Variants in SLC9B1 observed in about 807,000 individuals in gnomAD.
The protein encoded by SLC9B1 is sodium/hydrogen exchanger 9B1.
SLC9B1 carries 32 observed loss-of-function variants against 51.7 expected under a neutral mutation model. The ratio of observed to expected loss-of-function variants is 0.62; its 90% CI spans 0.47 to 0.83. The LOEUF is 0.83. Ranked by LOEUF, SLC9B1 falls within the 40% of genes least tolerant of loss-of-function variation. SLC9B1 has a pLI of 0.00. For synonymous variants in SLC9B1, 145 were observed against 212.7 expected (o/e 0.68, Z 2.77); for missense variants, 406 against 613.2 (o/e 0.66, Z 3.57).
chr4:102,988,331 A>G (rs1356458417), intron 3 of SLC9B1, among the ~76,000 whole-genome samples: 8 of 152,144 alleles, frequency 5.3e-5, no homozygotes, highest in Non-Finnish European at 1.5e-5. Flanking sequence ...AAATGTGATG[A>G]GACTGATTTC....
At chr4:102,899,428 T>G (rs1469405732), downstream of SLC9B1, among the ~76,000 whole-genome samples, 1 of 150,852 alleles carries the variant, frequency 6.6e-6, no homozygotes, top group Non-Finnish European at 1.5e-5. Context: ...TATTATTATT[T>G]TTTGAGACAG....
chr4:102,976,677 T>C (rs1739086074), intron 3 of SLC9B1, among the ~76,000 whole-genome samples: 1 of 152,090 alleles, frequency 6.6e-6, no homozygotes, highest in African/African-American at 2.4e-5. Context: ...ACATGGTAAG[T>C]TAAGGGATAG....
At chr4:102,994,344 T>C (rs2110522181) in intron 1 of SLC9B1, among the ~76,000 whole-genome samples, 1 of 152,108 alleles carries the variant, frequency 6.6e-6, no homozygotes, top group South Asian at 2.1e-4. Context: ...ATAGCAAGAG[T>C]GACCTTTACT....
chr4:102,898,343 T>C, downstream of SLC9B1: 1 of 278,732 alleles, frequency 3.6e-6, no homozygotes, highest in Non-Finnish European at 6.9e-6. Flanking sequence ...AAGTATAAAA[T>C]AAATTTAAAA....
At chr4:102,969,864 C>T (rs1326144572) in intron 3 of SLC9B1, among the ~76,000 whole-genome samples, 3 of 151,848 alleles carry the variant, frequency 2.0e-5, no homozygotes, top group African/African-American at 7.3e-5. Flanking sequence ...ATAGCTGATT[C>T]GATCAAGTGG....
At chr4:102,969,716 A>T (rs1213167787) in intron 3 of SLC9B1, among the ~76,000 whole-genome samples, 1 of 152,214 alleles carries the variant, frequency 6.6e-6, no homozygotes, top group Admixed American at 6.5e-5. Context: ...GTTCGAACCC[A>T]TTGCAAGGAA....
downstream of SLC9B1, chr4:102,897,959 G>A (rs529579025): frequency 1.6e-4 from 62 of 376,488 alleles, no homozygotes; most frequent in South Asian, 1.2e-3. Flanking sequence ...TCATGTAGAA[G>A]GTCAAGAACC....
intron 3 of SLC9B1, among the ~76,000 whole-genome samples, chr4:102,956,491 A>G (rs200173894): frequency 4.0e-5 from 6 of 151,848 alleles, no homozygotes; most frequent in African/African-American, 1.2e-4. Context: ...CTTTGAATGC[A>G]TTCACCCACC....
chr4:102,969,569 G>A (rs577338332), intron 3 of SLC9B1, among the ~76,000 whole-genome samples: 2 of 152,200 alleles, frequency 1.3e-5, no homozygotes, highest in Non-Finnish European at 2.9e-5. Context: ...AAAAACCAGA[G>A]TGCCTCTTCT....
intron 7 of SLC9B1, among the ~76,000 whole-genome samples, chr4:102,924,368 A>G (rs934156854): frequency 1.3e-4 from 20 of 152,208 alleles, no homozygotes; most frequent in African/African-American, 4.6e-4. Flanking sequence ...AGAAAACTGA[A>G]ACTGGATCCC....
chr4:102,971,649 TG>T (rs1374557359), intron 3 of SLC9B1, among the ~76,000 whole-genome samples: 1 of 151,948 alleles, frequency 6.6e-6, no homozygotes, highest in Non-Finnish European at 1.5e-5. Flanking sequence ...AGAGCAGAAC[TG>T]AAGGAGATAG....
At chr4:102,956,127 C>T (rs530642890) in intron 3 of SLC9B1, among the ~76,000 whole-genome samples, 15 of 152,158 alleles carry the variant, frequency 9.9e-5, no homozygotes, top group African/African-American at 2.9e-4. Context: ...TCCTGGTAGA[C>T]GACATTGCAC....
intron 7 of SLC9B1, among the ~76,000 whole-genome samples, chr4:102,926,761 T>C (rs867089841): frequency 6.6e-6 from 1 of 152,136 alleles, no homozygotes; most frequent in African/African-American, 2.4e-5. Flanking sequence ...TTAAAGTTCA[T>C]ATGGAACCAA....
chr4:102,888,588 A>G (rs1734062724), intron 11 of SLC9B1: 2 of 152,258 alleles, frequency 1.3e-5, no homozygotes, highest in Admixed American at 1.3e-4. Flanking sequence ...GTGCTTTTTA[A>G]TCCTACTATT....
intron 1 of SLC9B1, among the ~76,000 whole-genome samples, chr4:103,006,493 C>A (rs1740794313): frequency 6.6e-6 from 1 of 152,072 alleles, no homozygotes; most frequent in Admixed American, 6.5e-5. Context: ...GAAATTGAAT[C>A]AGTAATAAAA....
chr4:102,956,646 G>T (rs1737829424), intron 3 of SLC9B1, among the ~76,000 whole-genome samples: 2 of 152,012 alleles, frequency 1.3e-5, no homozygotes, highest in Admixed American at 1.3e-4. Flanking sequence ...CAATATAAAA[G>T]ACATCACTGC....
At chr4:102,930,655 C>A (rs1736402585) in intron 7 of SLC9B1, among the ~76,000 whole-genome samples, 1 of 151,752 alleles carries the variant, frequency 6.6e-6, no homozygotes, top group Non-Finnish European at 1.5e-5. Context: ...GTGATCCACC[C>A]TTCTTGGCCT....
chr4:102,919,257 A>G lies in SLC9B1; in HGVS notation c.830-7720T>C, dbSNP rs1274390147. ...CCCAGAAAATGGGCTTTTCTTTTCT[A>G]TCACATCATAAGGCTGCAAATCTTC... On this transcript the variant is annotated intron_variant, in intron 7 of 11. Transcript: ENST00000296422. 6.6e-5 allele frequency among the ~76,000 whole-genome samples: 10 copies of G among 152,340 alleles called. No individual in the cohort carries two copies. The East Asian group carries it at 1.9e-3, about 29-fold the overall frequency.
chr4:102,946,877 G>A (rs971637146), intron 4 of SLC9B1, 88 bp from the exon 5 acceptor site: 1 of 1,248,134 alleles, frequency 8.0e-7, no homozygotes, highest in Non-Finnish European at 1.1e-6. Flanking sequence ...AATGCACTAT[G>A]TCTCTCATTA....
Sources: gnomAD v4.1 joint callset for allele counts (sites outside exome capture counted in the v4.1 genomes callset) on GRCh38, gnomAD v4.1.1 for gene constraint, MANE v1.5 for transcripts, NCBI Gene and HGNC (gene_info 2026-07-23, HGNC 2026-07-21) for gene names.